Variants in MYRF observed in about 807,000 individuals in gnomAD.
MYRF encodes myelin regulatory factor.
A neutral mutation model predicts 126.3 loss-of-function variants in MYRF; 16 were observed. The ratio of observed to expected loss-of-function variants is 0.13; its 90% confidence interval spans 0.09 to 0.19. The LOEUF (loss-of-function observed/expected upper bound fraction) is 0.19, where lower values mean the gene tolerates loss of function less well. Ranked by LOEUF, MYRF falls within the 10% of genes least tolerant of loss-of-function variation. The pLI, the probability that MYRF is intolerant of heterozygous loss-of-function variation, is 1.00. For missense variants in MYRF, 1,104 were observed against 1,547.0 expected (o/e 0.71, Z 4.80); for synonymous variants, 608 against 635.3 (o/e 0.96, Z 0.65).
Position 61,779,501 on chromosome 11 carries a change from T to C in MYRF, c.2178T>C (p.His726=). The C allele has an allele frequency of 2.6e-6, 4 of 1,527,172 alleles. No individual in the cohort carries two copies. Among genetic ancestry groups the C allele is most frequent in the Admixed American group, 2.1e-5 (1 of 48,756 alleles). 94.6% of individuals were successfully genotyped at this position (1,527,172 alleles called of 1,614,324 possible). The change falls in exon 16 of 27, where the codon CAT becomes CAC. Residue 726 remains histidine, a synonymous_variant. Transcript: ENST00000278836. ...GATCCTGGCCCTCTTGCTGCAGCCA[T>C]GCAGGGAGCCAGTTCAGTCGGGCGG... ...KSTGSSGAFS[H]AGSQFSRAGS...
At chr11:61,775,183 T>C (rs562737805) in intron 8 of MYRF, among the ~76,000 whole-genome samples, 1 of 152,236 alleles carries the variant, frequency 6.6e-6, no homozygotes, top group South Asian at 2.1e-4. Context: ...CTGCCCCACT[T>C]GAGACTCAGG....
chr11:61,769,581 G>T (rs2066152737), intron 4 of MYRF, among the ~76,000 whole-genome samples: 1 of 152,210 alleles, frequency 6.6e-6, no homozygotes, highest in Non-Finnish European at 1.5e-5. Context: ...CCCTTCGGCG[G>T]TAAGTGGGTG....
rs1293834999 is a variant in MYRF at position 61,783,512 on chromosome 11, G to A, written c.3031G>A (p.Glu1011Lys). 1.2e-6 allele frequency: 2 copies of A among 1,613,712 alleles called. No homozygotes were observed. The highest frequency in any genetic ancestry group is 1.7e-6 in the Non-Finnish European group (2 of 1,179,942). Reference protein sequence around the residue: ...AQGQSASLLAEPVPSLTSIQV... With the variant: ...AQGQSASLLAKPVPSLTSIQV... The stretch of plus-strand genomic sequence containing the variant: ...TGCCCCAACAGCCTCTCTCCTTGCA[G>A]AGCCAGTGCCCTCCCTGACCTCCAT... The change falls in exon 23 of 27, where the codon GAG becomes AAG. Residue 1011 changes from glutamate (E) to lysine (K), a missense_variant. Glu to Lys is a moderately conservative substitution (Grantham distance 56). This residue lies in a region of MYRF where 323 missense variants were observed against 383.1 expected (regional missense o/e 0.84). Coordinates refer to ENST00000278836, the MANE Select transcript of MYRF (RefSeq NM_001127392.3). This position sits in a 1 kb window ranked among gnomAD's most constrained non-coding sequence, Gnocchi z 4.6.
Position 61,773,955 on chromosome 11 carries a change from C to A in MYRF, c.1116-12C>A. The A allele has an allele frequency of 6.3e-7, 1 of 1,598,272 alleles. No individual in the cohort carries two copies. Among genetic ancestry groups the A allele is most frequent in the Non-Finnish European group, 8.5e-7 (1 of 1,171,920 alleles). ...TGGGGCCTCAGGGGAGTGCCCTCAC[C>A]CGCCCCCCCAGGCCCATGCTCACCT... On this transcript the variant is annotated splice_polypyrimidine_tract_variant and intron_variant, in intron 7 of 26. Transcript: ENST00000278836.
intron 1 of MYRF, among the ~76,000 whole-genome samples, chr11:61,755,191 G>A (rs941573116): frequency 1.3e-5 from 2 of 152,174 alleles, no homozygotes; most frequent in Admixed American, 6.5e-5. Flanking sequence ...CTCACCTGAC[G>A]TGGTCCCCCT....
In MYRF at chr11:61,787,749, A is replaced by T. The variant is rs1235575116; in HGVS notation, c.*1606A>T. On this transcript the variant is annotated 3_prime_UTR_variant, in exon 27 of 27. Transcript: ENST00000278836. ...ATGCAGGGGCTGAGCCTTCCTTATG[A>T]TGACTTTGTTCTCCCTCCCACTGGG... 1 of 152,658 alleles carries T rather than the reference A, an allele frequency of 6.6e-6. No homozygotes were observed. The highest frequency in any genetic ancestry group is 1.5e-5 in the Non-Finnish European group (1 of 68,024). The allele number at this position is 152,658 out of a possible 1,614,324, so 9.5% of individuals were successfully genotyped here. A position where few individuals can be genotyped will look rare whatever the true frequency, so the allele number is the denominator to read the frequency against.
intron 1 of MYRF, chr11:61,755,567 G>C: frequency 8.0e-7 from 1 of 1,246,464 alleles, no homozygotes. Flanking sequence ...CTGAGAGTGG[G>C]GTGACCGTCT....
At chr11:61,755,354 C>G in intron 1 of MYRF, 1 of 1,599,256 alleles carries the variant, frequency 6.3e-7, no homozygotes, top group South Asian at 1.1e-5. Flanking sequence ...CCGGCTAATC[C>G]CCTAGAGAGA....
chr11:61,770,643 A>G, intron 5 of MYRF, 118 bp downstream of exon 5: 2 of 1,002,394 alleles, frequency 2.0e-6, no homozygotes, highest in Non-Finnish European at 2.9e-6. Context: ...CAGGGAGGGC[A>G]GAAGGCTCTG....
chr11:61,772,923 C>G (rs2066266573), intron 7 of MYRF, among the ~76,000 whole-genome samples: 1 of 152,080 alleles, frequency 6.6e-6, no homozygotes, highest in Non-Finnish European at 1.5e-5. Context: ...TTCCGCCAGG[C>G]CAGCACTGGG....
At chr11:61,773,946 T>C (rs1351314002) in intron 7 of MYRF, 21 bp from the exon 8 acceptor site, 3 of 1,584,982 alleles carry the variant, frequency 1.9e-6, no homozygotes, top group South Asian at 1.1e-5. Flanking sequence ...CTCAGGGGAG[T>C]GCCCTCACCC....
chr11:61,776,204 GC>G lies in MYRF; in HGVS notation c.1388+74del. 1 of 1,590,042 alleles carries G rather than the reference GC, an allele frequency of 6.3e-7. No homozygotes were observed. Among genetic ancestry groups the G allele is most frequent in the Non-Finnish European group, 8.6e-7 (1 of 1,159,082 alleles). On this transcript the variant is annotated intron_variant, in intron 9 of 26. Transcript: ENST00000278836. This position sits in a 1 kb window ranked among gnomAD's most constrained non-coding sequence, Gnocchi z 4.3. The stretch of plus-strand genomic sequence containing the variant: ...CTAAAGCTGGCTTGGGAATGGAGGG[GC>G]CAGGGAGGTACCCAGGGTGTCCGCC...
rs1167675428 is a variant in MYRF at position 61,776,517 on chromosome 11, TCCTA to T, written c.1499+87_1499+90del. ...CCTGGGTGGCACACCAGGCACAGAG[TCCTA>T]CAGGCTGAGCCATTTCACAGATGAG... On this transcript the variant is annotated intron_variant, in intron 10 of 26. Coordinates refer to ENST00000278836, the MANE Select transcript of MYRF (RefSeq NM_001127392.3). The surrounding 1 kb of genome is among the most constrained non-coding windows in gnomAD (Gnocchi z 4.3). The T allele has an allele frequency of 1.8e-6, 2 of 1,132,354 alleles. No homozygotes were observed. Among genetic ancestry groups the T allele is most frequent in the African/African-American group, 3.1e-5 (2 of 64,532 alleles). The allele number at this position is 1,132,354 out of a possible 1,614,324, so 70.1% of individuals were successfully genotyped here.
chr11:61,763,742 G>A (rs1329113681), intron 1 of MYRF, among the ~76,000 whole-genome samples: 1 of 152,130 alleles, frequency 6.6e-6, no homozygotes, highest in African/African-American at 2.4e-5. Context: ...GCGGGCGCCT[G>A]TAATCTCAGC....
At chr11:61,766,331 T>A in intron 3 of MYRF, 110 bp downstream of exon 3, 1 of 1,222,756 alleles carries the variant, frequency 8.2e-7, no homozygotes, top group Non-Finnish European at 1.1e-6. Context: ...TGGGATGGGC[T>A]GGGTGACTGG....
At chr11:61,782,906 C>T (rs1315959665) in intron 22 of MYRF, 1 of 152,538 alleles carries the variant, frequency 6.6e-6, no homozygotes, top group Admixed American at 6.5e-5. Flanking sequence ...CCCAGCTTCC[C>T]CCTTCCTGGG....
Position 61,777,744 on chromosome 11 carries a change from C to A in MYRF, c.1802C>A (p.Thr601Asn). Residue 601 changes from threonine to asparagine, a missense_variant, in exon 13 of 27, where the codon ACC becomes AAC. By Grantham distance (65) the Thr-to-Asn change is moderately conservative (BLOSUM62 0). Around this residue, in one of 10 missense-constraint regions of MYRF, gnomAD observed 123 missense variants for 209.1 expected, o/e 0.59. Coordinates refer to ENST00000278836, the MANE Select transcript of MYRF (RefSeq NM_001127392.3). The surrounding 1 kb of genome is among the most constrained non-coding windows in gnomAD (Gnocchi z 8.8). Reference sequence around the variant, plus strand: ...CCTGGCTCCCCGCAGGTGGACACCACCGAGCAATTGAAGAGGATCTCGCGC... The same window carrying A: ...CCTGGCTCCCCGCAGGTGGACACCAACGAGCAATTGAAGAGGATCTCGCGC... ...AKEHVQEVDTTEQLKRISRMR... is the reference protein window; with the variant it reads ...AKEHVQEVDTNEQLKRISRMR... The A allele has an allele frequency of 1.9e-6, 3 of 1,551,022 alleles. No individual in the cohort carries two copies. Among genetic ancestry groups the A allele is most frequent in the Non-Finnish European group, 1.7e-6 (2 of 1,146,484 alleles).
At chr11:61,767,122 C>T (rs372974758) in intron 3 of MYRF, 6 of 456,128 alleles carry the variant, frequency 1.3e-5, no homozygotes, top group East Asian at 7.0e-5. Context: ...CATGGCCGGC[C>T]GTGCTTCCTG....
intron 22 of MYRF, 123 bp downstream of exon 22, chr11:61,781,947 G>A: frequency 8.1e-7 from 1 of 1,237,810 alleles, no homozygotes. Flanking sequence ...CGTTTGCTGA[G>A]CACAGAATAA....
Sources: allele counts gnomAD v4.1 joint callset (sites outside exome capture counted in the v4.1 genomes callset), GRCh38; gene constraint gnomAD v4.1.1; regional missense constraint gnomAD v4.1.1; non-coding constraint Gnocchi (gnomAD v3.1); transcripts MANE v1.5; gene names NCBI Gene and HGNC (gene_info 2026-07-23, HGNC 2026-07-21).